Variants in GRB2 observed in about 807,000 individuals in gnomAD.
The protein encoded by GRB2 is growth factor receptor-bound protein 2.
In GRB2, 2 loss-of-function variants were observed where a neutral mutation model predicts 27.4. The ratio of observed to expected loss-of-function variants is 0.07; its 90% CI spans 0.03 to 0.23. The LOEUF is 0.23. GRB2 is among the 10% of genes least tolerant of loss of function. GRB2 has a pLI of 1.00. For synonymous variants in GRB2, 94 were observed against 99.6 expected, an observed-to-expected ratio of 0.94 and a Z score of 0.33; for missense variants, 102 against 282.4, an observed-to-expected ratio of 0.36 and a Z score of 4.58.
At chr17:75,398,770 CAG>C (rs755073548) in intron 1 of GRB2, among the ~76,000 whole-genome samples, 1 of 151,804 alleles carries the variant, frequency 6.6e-6, no homozygotes, top group East Asian at 1.9e-4. Flanking sequence ...TTTTTGGAGA[CAG>C]AGTCTTGCTC....
At chr17:75,329,350 A>T (rs2078523689) in intron 3 of GRB2, among the ~76,000 whole-genome samples, 1 of 151,682 alleles carries the variant, frequency 6.6e-6, no homozygotes. Flanking sequence ...CTTCCCTCAA[A>T]CTCCCCAGAG....
At chr17:75,367,184 T>C (rs1426741100) in intron 2 of GRB2, among the ~76,000 whole-genome samples, 1 of 152,024 alleles carries the variant, frequency 6.6e-6, no homozygotes, top group African/African-American at 2.4e-5. Flanking sequence ...TTTTTCCCCC[T>C]ATTCAGGACA....
chr17:75,399,659 GC>G (rs1261173079), intron 1 of GRB2, among the ~76,000 whole-genome samples: 1 of 143,138 alleles, frequency 7.0e-6, no homozygotes, highest in Non-Finnish European at 1.5e-5. Context: ...GAGCCACCGC[GC>G]CCGACCAACA....
chr17:75,359,742 T>A (rs1012412198), intron 2 of GRB2, among the ~76,000 whole-genome samples: 2 of 152,134 alleles, frequency 1.3e-5, no homozygotes, highest in African/African-American at 4.8e-5. Context: ...TATGTTGTTC[T>A]CTCTGCCTAA....
At chr17:75,387,487 A>G (rs889665208) in intron 2 of GRB2, 1 of 151,568 alleles carries the variant, frequency 6.6e-6, no homozygotes, top group Non-Finnish European at 1.5e-5. Context: ...TTCAGCATTC[A>G]AGATTAGAAA....
chr17:75,355,816 C>CTTTT (rs1170570570), intron 2 of GRB2, among the ~76,000 whole-genome samples: 3 of 115,724 alleles, frequency 2.6e-5, no homozygotes, highest in African/African-American at 6.6e-5. Flanking sequence ...TTCCTTTCTT[C>CTTTT]TTTTTTTTTT....
chr17:75,326,126 C>T (rs2078497083), intron 3 of GRB2, 106 bp from the exon 4 acceptor site: 5 of 1,298,770 alleles, frequency 3.8e-6, no homozygotes, highest in Admixed American at 1.8e-5. Flanking sequence ...GAGGAAGGGG[C>T]CTCCCTCCTC....
chr17:75,348,670 T>C (rs1232326106), intron 2 of GRB2, among the ~76,000 whole-genome samples: 3 of 152,084 alleles, frequency 2.0e-5, no homozygotes, highest in Non-Finnish European at 4.4e-5. Flanking sequence ...CCGCTACATG[T>C]TTCTATTTAC....
At chr17:75,400,463 T>C (rs1237823378) in intron 1 of GRB2, among the ~76,000 whole-genome samples, 2 of 151,770 alleles carry the variant, frequency 1.3e-5, no homozygotes, top group Non-Finnish European at 2.9e-5. Context: ...CATACCACCA[T>C]ACCCAGCCTC....
rs114598952 is a variant in GRB2, at chr17:75,391,129, C to T, written c.78+2422G>A. Among the ~76,000 whole-genome samples the T allele has an allele frequency of 4.8e-3, 729 of 152,232 alleles. 4 individuals carry two copies. Among genetic ancestry groups the T allele is most frequent in the African/African-American group, 0.017 (695 of 41,550 alleles). On this transcript the variant is annotated intron_variant, in intron 2 of 5. Coordinates refer to ENST00000316804, the MANE Select transcript of GRB2 (RefSeq NM_002086.5). Reference sequence around the variant, plus strand: ...ATGAGACAAAGGGCAACTACTGTATCGTCACTCTTTTTTTTTTCTTTTGGA... The same window carrying T: ...ATGAGACAAAGGGCAACTACTGTATTGTCACTCTTTTTTTTTTCTTTTGGA...
At chr17:75,328,991 TG>T (rs2078520984) in intron 3 of GRB2, among the ~76,000 whole-genome samples, 2 of 151,594 alleles carry the variant, frequency 1.3e-5, no homozygotes, top group Admixed American at 1.3e-4. Context: ...TTAACGGTAT[TG>T]AGACCTTCTC....
intron 2 of GRB2, among the ~76,000 whole-genome samples, chr17:75,337,709 T>A (rs2078587558): frequency 6.7e-6 from 1 of 149,768 alleles, no homozygotes; most frequent in South Asian, 2.1e-4. Context: ...TAGCTGGGAC[T>A]ACAGGCGTCT....
At chr17:75,328,894 C>T (rs1198424500) in intron 3 of GRB2, among the ~76,000 whole-genome samples, 12 of 150,588 alleles carry the variant, frequency 8.0e-5, no homozygotes, top group East Asian at 2.0e-4. Context: ...GCCGAGATCG[C>T]GCCACTGCAC....
chr17:75,371,255 G>C (rs1292787906), intron 2 of GRB2: 1 of 151,158 alleles, frequency 6.6e-6, no homozygotes, highest in Non-Finnish European at 1.5e-5. Flanking sequence ...AAGTAGTTAA[G>C]AAATCTAACC....
At chr17:75,339,047 A>C in intron 2 of GRB2, 1 of 1,275,068 alleles carries the variant, frequency 7.8e-7, no homozygotes, top group Non-Finnish European at 1.1e-6. Context: ...GAGTGCGTTG[A>C]GCCCAACTGC....
chr17:75,322,648 A>G (rs1350513004), intron 4 of GRB2, among the ~76,000 whole-genome samples: 2 of 152,200 alleles, frequency 1.3e-5, no homozygotes, highest in Non-Finnish European at 2.9e-5. Context: ...AAAGAGGCCC[A>G]GACTTCAAAA....
At chr17:75,367,773 A>G (rs1260604237) in intron 2 of GRB2, among the ~76,000 whole-genome samples, 1 of 152,190 alleles carries the variant, frequency 6.6e-6, no homozygotes, top group African/African-American at 2.4e-5. Context: ...AATGACACCA[A>G]TATTTCCTCG....
chr17:75,346,411 G>A (rs1416172847), intron 2 of GRB2, among the ~76,000 whole-genome samples: 1 of 151,666 alleles, frequency 6.6e-6, no homozygotes, highest in African/African-American at 2.4e-5. Flanking sequence ...CAGGAGAATC[G>A]CTTGAACCTG....
chr17:75,328,799 G>A (rs1037279670), intron 3 of GRB2, among the ~76,000 whole-genome samples: 2 of 151,904 alleles, frequency 1.3e-5, no homozygotes, highest in East Asian at 1.9e-4. Flanking sequence ...TTAGCCAGGC[G>A]TGGTGGCAGG....
Sources: allele counts gnomAD v4.1 joint callset (sites outside exome capture counted in the v4.1 genomes callset), GRCh38; gene constraint gnomAD v4.1.1; transcripts MANE v1.5; gene names NCBI Gene and HGNC (gene_info 2026-07-23, HGNC 2026-07-21).